Variants in ABCA1 observed in about 807,000 individuals in gnomAD.
ABCA1 encodes phospholipid-transporting ATPase ABCA1.
Under a neutral mutation model 262.5 loss-of-function variants are expected in ABCA1, and 133 were observed. The ratio of observed to expected loss-of-function variants is 0.51; its 90% CI spans 0.44 to 0.59. The LOEUF (loss-of-function observed/expected upper bound fraction) is 0.59. Ranked by LOEUF, ABCA1 falls within the 20% of genes least tolerant of loss-of-function variation. The pLI, the probability that ABCA1 is intolerant of heterozygous loss-of-function variation, is 0.00. For missense variants in ABCA1, 2,452 were observed against 2,777.5 expected (o/e 0.88, Z 2.63); for synonymous variants, 1,022 against 1,043.5 (o/e 0.98, Z 0.40).
chr9:104,927,288 G>A (rs1364351990), intron 1 of ABCA1, among the ~76,000 whole-genome samples: 1 of 151,968 alleles, frequency 6.6e-6, no homozygotes. Flanking sequence ...TGAGCGCACG[G>A]AGACTGTAGG....
chr9:104,890,384 A>G (rs1839607303), intron 2 of ABCA1, among the ~76,000 whole-genome samples: 2 of 152,192 alleles, frequency 1.3e-5, no homozygotes, highest in African/African-American at 2.4e-5. Flanking sequence ...ATTCGAGACC[A>G]GCCTGGCCAA....
At chr9:104,785,790 T>C in intron 48 of ABCA1, 151 bp from the exon 49 acceptor site, 1 of 849,134 alleles carries the variant, frequency 1.2e-6, no homozygotes, top group Non-Finnish European at 1.8e-6. Flanking sequence ...AGTTATCATT[T>C]ACTAAATACT....
At chr9:104,926,569 A>G (rs1001079847) in intron 1 of ABCA1, among the ~76,000 whole-genome samples, 14 of 152,026 alleles carry the variant, frequency 9.2e-5, no homozygotes, top group Admixed American at 6.5e-4. Context: ...AACCGCGAGC[A>G]AAGACACCTA....
chr9:104,821,638 C>G, intron 19 of ABCA1, 132 bp from the exon 20 acceptor site: 2 of 1,041,244 alleles, frequency 1.9e-6, no homozygotes, highest in Non-Finnish European at 2.8e-6. Flanking sequence ...TGAACCCTAC[C>G]AGACCCACAC....
At chr9:104,832,175 C>G (rs557765432) in intron 12 of ABCA1, among the ~76,000 whole-genome samples, 1 of 152,282 alleles carries the variant, frequency 6.6e-6, no homozygotes, top group East Asian at 1.9e-4. Context: ...CCCATCCCTA[C>G]TAATATAATT....
chr9:104,898,088 G>A lies in ABCA1; in HGVS notation c.66+5526C>T, dbSNP rs978467726. Among the ~76,000 whole-genome samples, 28 of 152,008 alleles carry A rather than the reference G, an allele frequency of 1.8e-4. 1 individual carries two copies. The highest frequency in any genetic ancestry group is 1.4e-3 in the Admixed American group (22 of 15,270). On this transcript the variant is annotated intron_variant, in intron 2 of 49. Transcript: ENST00000374736. Reference sequence around the variant, plus strand: ...AGATGATTTAGAAATATGTGAACACGCACACTAAATAATGTTAAATGAAAG... The same window carrying A: ...AGATGATTTAGAAATATGTGAACACACACACTAAATAATGTTAAATGAAAG...
intron 2 of ABCA1, among the ~76,000 whole-genome samples, chr9:104,901,939 G>A (rs1840699648): frequency 6.6e-6 from 1 of 152,082 alleles, no homozygotes; most frequent in Non-Finnish European, 1.5e-5. Context: ...CTCATTCTAA[G>A]TGTTTGCTTT....
intron 1 of ABCA1, among the ~76,000 whole-genome samples, chr9:104,907,162 G>C (rs1841203770): frequency 6.6e-6 from 1 of 152,208 alleles, no homozygotes; most frequent in Non-Finnish European, 1.5e-5. Context: ...TGTGTATACA[G>C]GCTCAGAATA....
chr9:104,902,446 G>C (rs1335981098), intron 2 of ABCA1, among the ~76,000 whole-genome samples: 1 of 152,166 alleles, frequency 6.6e-6, no homozygotes, highest in Non-Finnish European at 1.5e-5. Flanking sequence ...CAGCATGATA[G>C]CATTTACTGC....
At position 104,900,690 on chromosome 9, in the gene ABCA1, T is replaced by C. The variant is rs181400704; in HGVS notation, c.66+2924A>G. ...AACTGTAGGGCCACCAGGAGACTGGTTCTGGTGCTACTTTCCTGACTGACC... is the reference window on the plus strand; with the variant it reads ...AACTGTAGGGCCACCAGGAGACTGGCTCTGGTGCTACTTTCCTGACTGACC... On this transcript the variant is annotated intron_variant, in intron 2 of 49. Coordinates refer to ENST00000374736, the MANE Select transcript of ABCA1 (RefSeq NM_005502.4). Among the ~76,000 whole-genome samples, 12 of 152,308 alleles carry C rather than the reference T, an allele frequency of 7.9e-5. No homozygotes were observed. In the East Asian group the frequency reaches 2.1e-3, roughly 27 times the overall value.
chr9:104,827,096 A>T lies in ABCA1; in HGVS notation c.2189T>A (p.Ile730Asn). The T allele has an allele frequency of 1.2e-6, 2 of 1,614,176 alleles. No individual in the cohort carries two copies. The highest frequency in any genetic ancestry group is 1.7e-6 in the Non-Finnish European group (2 of 1,180,034). ...TGTGCTAATCAGGAAGCACTGCAGG[A>T]TTGTCACCACAGCAAACACGGACAG... ...VFLSVFAVVTILQCFLISTLF... is the reference protein window; with the variant it reads ...VFLSVFAVVTNLQCFLISTLF... Residue 730 changes from isoleucine (I) to asparagine (N), a missense_variant, in exon 16 of 50, where the codon ATC becomes AAC. Ile to Asn is a moderately radical substitution (Grantham distance 149, BLOSUM62 -3). Transcript: ENST00000374736.
chr9:104,868,853 G>A (rs10118061), intron 5 of ABCA1, among the ~76,000 whole-genome samples: 29,162 of 152,124 alleles, frequency 0.19, 2,978 homozygotes, highest in Middle Eastern at 0.27. Context: ...CAGGCCTCTG[G>A]GACCAAGCTG....
intron 1 of ABCA1, among the ~76,000 whole-genome samples, chr9:104,906,638 T>G (rs1250634052): frequency 6.6e-6 from 1 of 151,902 alleles, no homozygotes. Flanking sequence ...TGGGAGCAAT[T>G]CTGTCCTAAG....
chr9:104,852,183 C>T (rs112979062), intron 7 of ABCA1, among the ~76,000 whole-genome samples: 1,834 of 152,308 alleles, frequency 0.012, 8 homozygotes, highest in Middle Eastern at 0.034. Context: ...AAATCCAACT[C>T]AGGCTGGGAT....
At chr9:104,840,553 G>C in intron 8 of ABCA1, 34 bp from the exon 9 acceptor site, 1 of 1,602,060 alleles carries the variant, frequency 6.2e-7, no homozygotes, top group Non-Finnish European at 8.5e-7. Flanking sequence ...AAGGAGGGTA[G>C]GGGAAGGGAG....
chr9:104,788,354 G>C, intron 45 of ABCA1, 72 bp downstream of exon 45: 1 of 1,605,086 alleles, frequency 6.2e-7, no homozygotes, highest in Non-Finnish European at 8.5e-7. Flanking sequence ...GTCAATGCGT[G>C]TGGAAAAGCC....
At chr9:104,924,282 T>C (rs1048359943) in intron 1 of ABCA1, among the ~76,000 whole-genome samples, 1 of 151,452 alleles carries the variant, frequency 6.6e-6, no homozygotes, top group Non-Finnish European at 1.5e-5. Flanking sequence ...ACTACTATAA[T>C]GGTATTATTT....
At chr9:104,829,439 A>C (rs1000003295) in intron 14 of ABCA1, among the ~76,000 whole-genome samples, 6 of 152,226 alleles carry the variant, frequency 3.9e-5, no homozygotes, top group African/African-American at 1.4e-4. Flanking sequence ...ACTAAAAACC[A>C]AAACAAAAAA....
intron 14 of ABCA1, among the ~76,000 whole-genome samples, chr9:104,830,316 T>C (rs1833174852): frequency 6.6e-6 from 1 of 152,224 alleles, no homozygotes. Flanking sequence ...TGTGTGAGTA[T>C]GTGCTTGCAT....
Sources: allele counts gnomAD v4.1 joint callset (sites outside exome capture counted in the v4.1 genomes callset), GRCh38; gene constraint gnomAD v4.1.1; transcripts MANE v1.5; gene names NCBI Gene and HGNC (gene_info 2026-07-23, HGNC 2026-07-21).